Variants in TAS1R1 observed in about 807,000 individuals in gnomAD.
TAS1R1 encodes the protein taste receptor type 1 member 1.
A neutral mutation model predicts 45.8 loss-of-function variants in TAS1R1; 31 were observed. That is an observed-to-expected ratio of 0.68 (90% CI 0.51 to 0.91). The LOEUF (loss-of-function observed/expected upper bound fraction) is 0.91. Among genes scored for constraint, TAS1R1 ranks in the 40% least tolerant of loss-of-function variants. The pLI is 0.00. For synonymous variants in TAS1R1, 437 were observed against 448.4 expected (o/e 0.97, Z 0.32); for missense variants, 1,051 against 1,063.9 (o/e 0.99, Z 0.17).
At chr1:6,564,786 G>A (rs1639846843) in intron 1 of TAS1R1, among the ~76,000 whole-genome samples, 1 of 152,212 alleles carries the variant, frequency 6.6e-6, no homozygotes, top group Non-Finnish European at 1.5e-5. Flanking sequence ...GGTCAGAAAT[G>A]CTTCTACCCG....
At chr1:6,559,180 G>A (rs1013584318) in intron 1 of TAS1R1, among the ~76,000 whole-genome samples, 7 of 151,892 alleles carry the variant, frequency 4.6e-5, no homozygotes, top group Non-Finnish European at 8.8e-5. Flanking sequence ...GGCGTGAGCC[G>A]CCACGCCCGG....
chr1:6,576,387 G>A (rs1640172453), intron 3 of TAS1R1, 28 bp from the exon 4 acceptor site: 1 of 1,612,306 alleles, frequency 6.2e-7, no homozygotes, highest in South Asian at 1.1e-5. Flanking sequence ...GCTGTCTGTG[G>A]TGGCTTCATG....
intron 2 of TAS1R1, among the ~76,000 whole-genome samples, chr1:6,572,198 G>A (rs1034069766): frequency 2.0e-5 from 3 of 151,826 alleles, no homozygotes; most frequent in Non-Finnish European, 4.4e-5. Flanking sequence ...CTTTCGCTGT[G>A]AGCTGGGGCA....
At chr1:6,561,536 C>A (rs1049732170) in intron 1 of TAS1R1, among the ~76,000 whole-genome samples, 1 of 151,892 alleles carries the variant, frequency 6.6e-6, no homozygotes, top group Non-Finnish European at 1.5e-5. Flanking sequence ...ATGGTGAAGC[C>A]CCATGTCTAC....
rs1455695405 is a variant in TAS1R1, at chr1:6,555,542, C to T, written c.169C>T (p.Pro57Ser). 6.4e-7 allele frequency: 1 copy of T among 1,551,640 alleles called. No individual in the cohort carries two copies. The highest frequency in any genetic ancestry group is 2.0e-5 in the Admixed American group (1 of 51,154). Residue 57 changes from proline to serine, a missense_variant, in exon 1 of 6, where the codon CCC (proline) becomes TCC (serine). Physicochemically the swap from Pro to Ser is moderately conservative, Grantham distance 74. Coordinates refer to ENST00000333172, the MANE Select transcript of TAS1R1 (RefSeq NM_138697.4). ...TGGCTGTCTGCAGGTGAGGCACAGA[C>T]CCGAGGTGACCCTGTGTGACAGGTG... Reference protein sequence around the residue: ...HSGCLQVRHRPEVTLCDRSCS... With the variant: ...HSGCLQVRHRSEVTLCDRSCS...
At chr1:6,577,379 TAAA>T (rs1194546091) in intron 5 of TAS1R1, among the ~76,000 whole-genome samples, 3 of 129,878 alleles carry the variant, frequency 2.3e-5, no homozygotes, top group African/African-American at 8.8e-5. Flanking sequence ...ACCAAAAATA[TAAA>T]AAATTAGCTG....
Position 6,576,514 on chromosome 1 carries a change from T to G in TAS1R1, c.1360T>G (p.Trp454Gly). ...DPLSSYNIIAWDWNGPKWTFT... is the reference protein window; with the variant it reads ...DPLSSYNIIAGDWNGPKWTFT... ...CCTCAGTAGCTATAACATAATTGCC[T>G]GGGACTGGAATGGACCCAAGTGGAC... Residue 454 changes from tryptophan to glycine, a missense_variant, in exon 4 of 6, where the codon TGG becomes GGG. Coordinates refer to ENST00000333172, the MANE Select transcript of TAS1R1 (RefSeq NM_138697.4). 6.2e-7 allele frequency: 1 copy of G among 1,614,270 alleles called. No individual in the cohort carries two copies. Among genetic ancestry groups the G allele is most frequent in the Non-Finnish European group, 8.5e-7 (1 of 1,180,050 alleles).
chr1:6,579,103 TTG>T lies in TAS1R1; in HGVS notation c.2048_2049del (p.Val683AspfsTer24), dbSNP rs533628552. 876 of 1,614,192 alleles carry T rather than the reference TTG, an allele frequency of 5.4e-4. 18 individuals are homozygous for T. The South Asian group carries it at 9.2e-3, about 17-fold the overall frequency. On this transcript the variant is annotated frameshift_variant, in exon 6 of 6. Transcript: ENST00000333172. LOFTEE classifies it low-confidence loss of function (END_TRUNC). Reference sequence around the variant, plus strand: ...GTCCAAAACCACGGTGCTGGCCTGTTTGTGATGATCAGCTCAGCGGCCCAGCT... The same window carrying T: ...GTCCAAAACCACGGTGCTGGCCTGTTTGATGATCAGCTCAGCGGCCCAGCT...
At chr1:6,573,194 C>T (rs924331325) in intron 2 of TAS1R1, among the ~76,000 whole-genome samples, 16 of 152,224 alleles carry the variant, frequency 1.1e-4, no homozygotes, top group South Asian at 2.1e-4. Context: ...CGCGGGGGCT[C>T]ACGCCTGTAA....
At chr1:6,555,866 C>CTTTTTGTTTTT (rs1639669937) in intron 1 of TAS1R1, among the ~76,000 whole-genome samples, 1 of 95,304 alleles carries the variant, frequency 1.0e-5, no homozygotes, top group African/African-American at 3.6e-5. Context: ...TTTCCCTCTT[C>CTTTTTGTTTTT]TTTTTTTTTT....
At chr1:6,564,418 A>T (rs1639839502) in intron 1 of TAS1R1, among the ~76,000 whole-genome samples, 1 of 152,070 alleles carries the variant, frequency 6.6e-6, no homozygotes, top group Admixed American at 6.6e-5. Context: ...CTGTTTTGTA[A>T]GAGGAAAGGG....
chr1:6,567,921 C>T (rs181553744), intron 1 of TAS1R1, among the ~76,000 whole-genome samples: 2 of 152,116 alleles, frequency 1.3e-5, no homozygotes, highest in Non-Finnish European at 2.9e-5. Context: ...TTACTGCTAT[C>T]GGGTCTTTTG....
In TAS1R1 at chr1:6,571,013, G is replaced by A. The variant is rs959838135; in HGVS notation, c.296G>A (p.Gly99Glu). Residue 99 changes from glycine (G) to glutamate (E), a missense_variant, in exon 2 of 6, where the codon GGG (glycine) becomes GAG (glutamate). By Grantham distance (98) the Gly-to-Glu change is moderately conservative (BLOSUM62 -2). Transcript: ENST00000333172. ...STALLPNITL[G>E]YQLYDVCSDS... The stretch of plus-strand genomic sequence containing the variant: ...GCCCTGCTGCCCAACATCACCCTGG[G>A]GTACCAGCTGTATGATGTGTGTTCT... 6.2e-7 allele frequency: 1 copy of A among 1,613,952 alleles called. No individual in the cohort carries two copies. The highest frequency in any genetic ancestry group is 8.5e-7 in the Non-Finnish European group (1 of 1,180,014).
At chr1:6,561,328 C>G (rs1208026992) in intron 1 of TAS1R1, among the ~76,000 whole-genome samples, 3 of 152,176 alleles carry the variant, frequency 2.0e-5, no homozygotes, top group African/African-American at 7.2e-5. Flanking sequence ...ATAGAAACAG[C>G]ACTCTTCTCC....
intron 1 of TAS1R1, among the ~76,000 whole-genome samples, chr1:6,566,014 G>C (rs79318219): frequency 0.013 from 2,017 of 152,270 alleles, 36 homozygotes; most frequent in African/African-American, 0.041. Context: ...TGCTTTGGAG[G>C]GGGAGACCCC....
At chr1:6,566,086 G>A (rs1249030955) in intron 1 of TAS1R1, among the ~76,000 whole-genome samples, 2 of 152,176 alleles carry the variant, frequency 1.3e-5, no homozygotes, top group Non-Finnish European at 2.9e-5. Context: ...GTCTTCTAGG[G>A]AAGGACTACA....
intron 1 of TAS1R1, among the ~76,000 whole-genome samples, chr1:6,559,433 G>A (rs1313185411): frequency 1.3e-5 from 2 of 151,864 alleles, no homozygotes; most frequent in African/African-American, 4.8e-5. Context: ...TGAGGTGGGT[G>A]GATTGCCTGA....
At chr1:6,559,520 G>A (rs985902117) in intron 1 of TAS1R1, among the ~76,000 whole-genome samples, 6 of 151,720 alleles carry the variant, frequency 4.0e-5, no homozygotes, top group East Asian at 2.0e-4. Context: ...TTAGCTGGGC[G>A]TGGTGGTAGG....
chr1:6,564,789 TC>T (rs1639846936), intron 1 of TAS1R1, among the ~76,000 whole-genome samples: 1 of 152,202 alleles, frequency 6.6e-6, no homozygotes, highest in South Asian at 2.1e-4. Flanking sequence ...CAGAAATGCT[TC>T]TACCCGCTCA....
Sources: allele counts gnomAD v4.1 joint callset (sites outside exome capture counted in the v4.1 genomes callset), GRCh38; gene constraint gnomAD v4.1.1; transcripts MANE v1.5; gene names NCBI Gene and HGNC (gene_info 2026-07-23, HGNC 2026-07-21).